DAB1: variants seen among roughly 807,000 people sequenced by gnomAD.
DAB1 encodes the protein disabled homolog 1.
A neutral mutation model predicts 64.6 loss-of-function variants in DAB1; 15 were observed. The observed-to-expected ratio is 0.23, with a 90% CI of 0.16 to 0.36. The LOEUF is 0.36. DAB1 is among the 10% of genes least tolerant of loss of function. The pLI is 1.00. For missense variants in DAB1, 596 were observed against 706.7 expected, an observed-to-expected ratio of 0.84 and a Z score of 1.78; for synonymous variants, 235 against 251.9, an observed-to-expected ratio of 0.93 and a Z score of 0.64.
At chr1:58,200,050 T>C (rs1271643542) in intron 4 of DAB1, among the ~76,000 whole-genome samples, 4 of 152,174 alleles carry the variant, frequency 2.6e-5, no homozygotes, top group African/African-American at 9.7e-5. Context: ...AGAACTCAGA[T>C]GCACAGAGAC....
At chr1:57,895,464 T>C (rs2101987665) in intron 5 of DAB1, among the ~76,000 whole-genome samples, 1 of 152,292 alleles carries the variant, frequency 6.6e-6, no homozygotes, top group South Asian at 2.1e-4. Context: ...AACAACTAAA[T>C]CAACCATTAG....
intron 6 of DAB1, among the ~76,000 whole-genome samples, chr1:57,735,306 A>G (rs893107954): frequency 2.0e-5 from 3 of 152,200 alleles, no homozygotes; most frequent in Non-Finnish European, 4.4e-5. Context: ...TCTGGACTTC[A>G]GTTTCTGCTC....
intron 3 of DAB1, among the ~76,000 whole-genome samples, chr1:58,455,438 C>T (rs1645184504): frequency 6.6e-6 from 1 of 152,208 alleles, no homozygotes; most frequent in South Asian, 2.1e-4. Flanking sequence ...CAGAGATGGT[C>T]CTCAGCAGAG....
intron 7 of DAB1, among the ~76,000 whole-genome samples, chr1:57,646,495 T>A (rs1490586858): frequency 6.6e-6 from 1 of 152,106 alleles, no homozygotes; most frequent in African/African-American, 2.4e-5. Context: ...TGCCTGTAAT[T>A]CCAGCACTTT....
chr1:58,305,613 G>T (rs1000230018), intron 4 of DAB1, among the ~76,000 whole-genome samples: 3 of 151,846 alleles, frequency 2.0e-5, no homozygotes, highest in African/African-American at 7.2e-5. Context: ...TGCATGCAAA[G>T]AAATAAAGTT....
intron 7 of DAB1, among the ~76,000 whole-genome samples, chr1:57,522,353 C>A (rs1053326967): frequency 6.6e-6 from 1 of 152,118 alleles, no homozygotes; most frequent in African/African-American, 2.4e-5. Flanking sequence ...AACTTGCAGA[C>A]ACAAGGCACA....
chr1:57,506,497 A>T (rs1644345003), intron 7 of DAB1, among the ~76,000 whole-genome samples: 1 of 152,234 alleles, frequency 6.6e-6, no homozygotes, highest in African/African-American at 2.4e-5. Flanking sequence ...TTCCAGCATA[A>T]ATTTACTGAA....
chr1:57,274,366 G>A (rs1317594385), intron 2 of DAB1, among the ~76,000 whole-genome samples: 1 of 152,128 alleles, frequency 6.6e-6, no homozygotes, highest in East Asian at 1.9e-4. Context: ...TCAGCTGTGG[G>A]CCCTGAGCAA....
rs139847813 is a variant in DAB1 at position 57,952,169 on chromosome 1, A to G, written n.388-68007T>C. On this transcript the variant is annotated intron_variant and non_coding_transcript_variant, in intron 5 of 20. Coordinates refer to the DAB1 transcript ENST00000485760. Reference sequence around the variant, plus strand: ...ACCACATGAATAAGTTCTGAACAATAGGATGTGACAAGAAGCACTGTTGTG... The same window carrying G: ...ACCACATGAATAAGTTCTGAACAATGGGATGTGACAAGAAGCACTGTTGTG... 6.1e-3 allele frequency among the ~76,000 whole-genome samples: 932 copies of G among 152,098 alleles called. 8 individuals carry two copies. Among genetic ancestry groups the G allele is most frequent in the African/African-American group, 0.022 (896 of 41,482 alleles).
chr1:57,743,666 A>G (rs1053605911), intron 6 of DAB1, among the ~76,000 whole-genome samples: 5 of 152,118 alleles, frequency 3.3e-5, no homozygotes, highest in African/African-American at 9.7e-5. Context: ...GCCGAGCTTC[A>G]CCTGACTCTG....
chr1:57,676,571 G>A (rs199775318), intron 6 of DAB1, among the ~76,000 whole-genome samples: 1 of 152,160 alleles, frequency 6.6e-6, no homozygotes, highest in Admixed American at 6.6e-5. Flanking sequence ...CCATCTAGCT[G>A]GGAAAAGAAG....
intron 5 of DAB1, among the ~76,000 whole-genome samples, chr1:58,109,105 G>A (rs1051615606): frequency 2.6e-5 from 4 of 152,144 alleles, no homozygotes; most frequent in Non-Finnish European, 2.9e-5. Flanking sequence ...TTTTAGTGTT[G>A]GGGCTTTCCT....
chr1:58,187,010 CAGAA>C (rs1220324232), intron 4 of DAB1, among the ~76,000 whole-genome samples: 1 of 152,126 alleles, frequency 6.6e-6, no homozygotes, highest in East Asian at 1.9e-4. Context: ...AGTGTGAACA[CAGAA>C]AGGAAGGGAG....
At chr1:58,385,966 T>C (rs1038988033) in intron 3 of DAB1, among the ~76,000 whole-genome samples, 2 of 152,192 alleles carry the variant, frequency 1.3e-5, no homozygotes, top group South Asian at 2.1e-4. Context: ...ACGGAACAGA[T>C]ACTCAGCCAA....
At chr1:57,426,859 A>AATATATAT (rs998763894), upstream of DAB1, among the ~76,000 whole-genome samples, 1 of 122,792 alleles carries the variant, frequency 8.1e-6, no homozygotes, top group African/African-American at 3.1e-5. Context: ...TAAATGAGAT[A>AATATATAT]ATATATATAT....
At chr1:57,379,833 G>A (rs80300530) in intron 1 of DAB1, among the ~76,000 whole-genome samples, 12,994 of 152,202 alleles carry the variant, frequency 0.085, 598 homozygotes, top group Middle Eastern at 0.12. Flanking sequence ...TCATGAAGAA[G>A]AAGATCAAGG....
intron 8 of DAB1, among the ~76,000 whole-genome samples, chr1:57,069,054 A>G (rs1475920559): frequency 6.6e-6 from 1 of 152,206 alleles, no homozygotes; most frequent in African/African-American, 2.4e-5. Context: ...AAAGGACCCT[A>G]ATTGTATAAT....
At chr1:57,583,907 G>A (rs760815687) in intron 7 of DAB1, among the ~76,000 whole-genome samples, 4 of 152,100 alleles carry the variant, frequency 2.6e-5, no homozygotes, top group African/African-American at 4.8e-5. Flanking sequence ...ATGCCATTGC[G>A]GCCTTAGGGC....
intron 7 of DAB1, among the ~76,000 whole-genome samples, chr1:57,607,791 A>G (rs1253461962): frequency 6.6e-6 from 1 of 152,238 alleles, no homozygotes; most frequent in Non-Finnish European, 1.5e-5. Context: ...GAGAGGGCCC[A>G]TCAGCACATG....
Sources: allele counts gnomAD v4.1 joint callset (sites outside exome capture counted in the v4.1 genomes callset), GRCh38; gene constraint gnomAD v4.1.1; transcripts MANE v1.5; gene names NCBI Gene and HGNC (gene_info 2026-07-23, HGNC 2026-07-21).